The following KLHL29 variants were observed in gnomAD, a reference collection of about 807,000 sequenced individuals.
KLHL29 encodes the protein kelch-like protein 29.
In KLHL29, 21 loss-of-function variants were observed where a neutral mutation model predicts 80.4. The observed-to-expected ratio is 0.26, with a 90% CI of 0.19 to 0.38. The LOEUF (loss-of-function observed/expected upper bound fraction) is 0.38, where lower values mean the gene tolerates loss of function less well. Ranked by LOEUF, KLHL29 falls within the 10% of genes least tolerant of loss-of-function variation. The probability of loss-of-function intolerance (pLI) is 1.00; values close to 1 mark genes in which losing one functional copy is unlikely to be tolerated. For missense variants in KLHL29, 867 were observed against 1,223.9 expected (o/e 0.71, Z 4.35); for synonymous variants, 511 against 526.8 (o/e 0.97, Z 0.41).
chr2:23,515,763 C>CT (rs1665902667), intron 2 of KLHL29, among the ~76,000 whole-genome samples: 1 of 152,152 alleles, frequency 6.6e-6, no homozygotes, highest in African/African-American at 2.4e-5. Flanking sequence ...TGTTTGTTGA[C>CT]TTAGACCAAG....
intron 1 of KLHL29, among the ~76,000 whole-genome samples, chr2:23,419,410 A>AGCT: frequency 6.6e-6 from 1 of 151,644 alleles, no homozygotes; most frequent in East Asian, 2.0e-4. Context: ...CCATCACAGG[A>AGCT]GCTGCAGGGC....
intron 1 of KLHL29, among the ~76,000 whole-genome samples, chr2:23,440,083 T>C (rs1372284773): frequency 6.6e-6 from 1 of 152,044 alleles, no homozygotes; most frequent in Non-Finnish European, 1.5e-5. Flanking sequence ...CTTTGTCTCT[T>C]TTGATCTTTG....
chr2:23,646,000 A>G (rs1558422427), intron 5 of KLHL29, among the ~76,000 whole-genome samples: 1 of 152,180 alleles, frequency 6.6e-6, no homozygotes, highest in Non-Finnish European at 1.5e-5. Flanking sequence ...TACAAGACAA[A>G]TCTTTCTTTC....
intron 5 of KLHL29, among the ~76,000 whole-genome samples, chr2:23,666,132 C>T (rs1670546042): frequency 6.6e-6 from 1 of 152,232 alleles, no homozygotes; most frequent in South Asian, 2.1e-4. Context: ...ATGTACTGAG[C>T]ACCTACCCTG....
chr2:23,620,056 C>T (rs570729117), intron 3 of KLHL29, among the ~76,000 whole-genome samples: 8 of 152,166 alleles, frequency 5.3e-5, no homozygotes, highest in African/African-American at 1.2e-4. Flanking sequence ...GAGGCTTCTC[C>T]GAGGGGAGGC....
intron 6 of KLHL29, among the ~76,000 whole-genome samples, chr2:23,687,268 G>A (rs766902680): frequency 2.0e-5 from 3 of 152,182 alleles, no homozygotes; most frequent in Non-Finnish European, 2.9e-5. Flanking sequence ...CCTGCCAGGG[G>A]CAGGTGATCC....
At chr2:23,662,390 G>A (rs1443960514) in intron 5 of KLHL29, among the ~76,000 whole-genome samples, 1 of 152,212 alleles carries the variant, frequency 6.6e-6, no homozygotes, top group South Asian at 2.1e-4. Flanking sequence ...CAGTGATCAA[G>A]TGTTCCTCTT....
At chr2:23,610,599 A>G (rs896218381) in intron 3 of KLHL29, among the ~76,000 whole-genome samples, 4 of 152,226 alleles carry the variant, frequency 2.6e-5, no homozygotes, top group African/African-American at 7.2e-5. Flanking sequence ...CAGTTTCATC[A>G]GTCATGATCA....
intron 3 of KLHL29, among the ~76,000 whole-genome samples, chr2:23,571,376 T>C (rs1667713322): frequency 6.6e-6 from 1 of 152,230 alleles, no homozygotes; most frequent in African/African-American, 2.4e-5. Flanking sequence ...TAGTGGGCAT[T>C]GCTGCCCATT....
chr2:23,448,320 C>T, intron 1 of KLHL29, among the ~76,000 whole-genome samples: 1 of 152,126 alleles, frequency 6.6e-6, no homozygotes, highest in East Asian at 1.9e-4. Flanking sequence ...GTTCTAAGTG[C>T]TCAGTATGGG....
intron 3 of KLHL29, among the ~76,000 whole-genome samples, chr2:23,597,403 ATATATTTTTTTTTTTTTTTTTTTTTT>A (rs1668452270): frequency 2.5e-5 from 1 of 39,758 alleles, no homozygotes; most frequent in African/African-American, 9.0e-5. Context: ...ATATATATAT[ATATATTTTTTTTTTTTTTTTTTTTTT>A]TTTTTTTTTT....
intron 1 of KLHL29, among the ~76,000 whole-genome samples, chr2:23,404,905 A>G (rs1442563916): frequency 2.0e-5 from 3 of 152,212 alleles, no homozygotes; most frequent in African/African-American, 7.2e-5. Context: ...CTTGAATCTC[A>G]TATTTTAAGA....
chr2:23,686,011 G>A (rs1229600970), intron 6 of KLHL29, among the ~76,000 whole-genome samples: 19 of 152,210 alleles, frequency 1.2e-4, no homozygotes, highest in Admixed American at 1.2e-3. Flanking sequence ...TTCAGAGACC[G>A]CACATTGAAA....
Position 23,693,450 on chromosome 2 carries a change from C to A in KLHL29, c.1464C>A (p.Ser488Arg). 3.2e-6 allele frequency: 5 copies of A among 1,551,746 alleles called. No individual in the cohort carries two copies. The highest frequency in any genetic ancestry group is 4.4e-6 in the Non-Finnish European group (5 of 1,146,988). Residue 488 changes from serine to arginine, a missense_variant, in exon 8 of 14, where the codon AGC (serine) becomes AGA (arginine). Coordinates refer to ENST00000486442, the MANE Select transcript of KLHL29 (RefSeq NM_052920.2). ...TCATCGCCTACGTCTCCAACGACAGCCTCAACACCAAGGCTGAGGAGCTGG... is the reference window on the plus strand; with the variant it reads ...TCATCGCCTACGTCTCCAACGACAGACTCAACACCAAGGCTGAGGAGCTGG... ...DDFIAYVSND[S>R]LNTKAEELVY...
At chr2:23,587,194 A>G (rs1038697590) in intron 3 of KLHL29, among the ~76,000 whole-genome samples, 5 of 151,248 alleles carry the variant, frequency 3.3e-5, no homozygotes, top group African/African-American at 1.2e-4. Context: ...CAAGGAAGCC[A>G]GGAGTTCATT....
chr2:23,580,863 A>G (rs1387245567), intron 3 of KLHL29, among the ~76,000 whole-genome samples: 1 of 144,572 alleles, frequency 6.9e-6, no homozygotes, highest in Non-Finnish European at 1.5e-5. Flanking sequence ...CTGTAGTCCT[A>G]GCTACTCAGG....
chr2:23,497,676 C>A (rs1194810317), intron 2 of KLHL29, among the ~76,000 whole-genome samples: 1 of 152,156 alleles, frequency 6.6e-6, no homozygotes, highest in Admixed American at 6.5e-5. Context: ...TCCCTGCCTC[C>A]TAAAGGAATA....
intron 2 of KLHL29, among the ~76,000 whole-genome samples, chr2:23,477,527 G>C (rs903744453): frequency 1.4e-4 from 21 of 152,252 alleles, no homozygotes; most frequent in Non-Finnish European, 2.6e-4. Context: ...AGTGCATCCA[G>C]CCTTCAGCCT....
intron 1 of KLHL29, among the ~76,000 whole-genome samples, chr2:23,392,715 CTG>C (rs1666348379): frequency 6.6e-6 from 1 of 152,236 alleles, no homozygotes; most frequent in Non-Finnish European, 1.5e-5. Flanking sequence ...AGCTACCAGT[CTG>C]TCTGTGTTTT....
Sources: allele counts gnomAD v4.1 joint callset (sites outside exome capture counted in the v4.1 genomes callset), GRCh38; gene constraint gnomAD v4.1.1; transcripts MANE v1.5; gene names NCBI Gene and HGNC (gene_info 2026-07-23, HGNC 2026-07-21).